The following CDYL variants were observed in gnomAD, a reference collection of about 807,000 sequenced individuals.
CDYL encodes the protein chromodomain Y-like protein.
In CDYL, 8 loss-of-function variants were observed where a neutral mutation model predicts 47.3. The ratio of observed to expected loss-of-function variants is 0.17; its 90% CI spans 0.10 to 0.31. The LOEUF (loss-of-function observed/expected upper bound fraction) is 0.31. CDYL is among the 10% of genes least tolerant of loss of function. CDYL has a pLI of 1.00. For missense variants in CDYL, 471 were observed against 701.4 expected (o/e 0.67, Z 3.71); for synonymous variants, 266 against 265.0 (o/e 1.00, Z -0.04).
chr6:4,858,511 A>G (rs1761076150), intron 1 of CDYL, among the ~76,000 whole-genome samples: 1 of 152,188 alleles, frequency 6.6e-6, no homozygotes, highest in South Asian at 2.1e-4. Context: ...CACGGAGCTT[A>G]AGGAACCTGC....
At chr6:4,879,955 G>A (rs888823396) in intron 1 of CDYL, among the ~76,000 whole-genome samples, 2 of 151,922 alleles carry the variant, frequency 1.3e-5, no homozygotes, top group East Asian at 1.9e-4. Context: ...CCTCTCGCAC[G>A]CCCCTACACA....
At chr6:4,740,066 T>C (rs1357090537) in intron 3 of CDYL, among the ~76,000 whole-genome samples, 2 of 152,176 alleles carry the variant, frequency 1.3e-5, no homozygotes, top group African/African-American at 4.8e-5. Flanking sequence ...TAAAAAAATT[T>C]TCCCAAAAAA....
At chr6:4,927,240 T>A (rs1420386088) in intron 2 of CDYL, among the ~76,000 whole-genome samples, 1 of 152,216 alleles carries the variant, frequency 6.6e-6, no homozygotes, top group Non-Finnish European at 1.5e-5. Flanking sequence ...GGGCAGGGGT[T>A]GATTGCCACA....
At chr6:4,788,883 T>C (rs1180540720) in intron 1 of CDYL, among the ~76,000 whole-genome samples, 7 of 152,032 alleles carry the variant, frequency 4.6e-5, no homozygotes, top group Non-Finnish European at 8.8e-5. Flanking sequence ...GGATGAAGGA[T>C]GTTGCTGCTT....
chr6:4,788,248 G>A (rs1758811426), intron 1 of CDYL, among the ~76,000 whole-genome samples: 2 of 151,882 alleles, frequency 1.3e-5, no homozygotes, highest in Non-Finnish European at 2.9e-5. Context: ...CCAGAACTTC[G>A]GGAGGCCAAG....
upstream of CDYL, among the ~76,000 whole-genome samples, chr6:4,772,197 G>A (rs992189000): frequency 2.0e-5 from 3 of 152,212 alleles, no homozygotes; most frequent in Non-Finnish European, 4.4e-5. Flanking sequence ...GAAATCAAAT[G>A]TTAAGAGGTC....
At chr6:4,828,995 G>T (rs1453475780) in intron 1 of CDYL, among the ~76,000 whole-genome samples, 1 of 152,010 alleles carries the variant, frequency 6.6e-6, no homozygotes, top group Non-Finnish European at 1.5e-5. Flanking sequence ...TTTATAAATT[G>T]TTCTGATTTC....
At chr6:4,938,207 A>G (rs993530725) in intron 4 of CDYL, among the ~76,000 whole-genome samples, 1 of 150,542 alleles carries the variant, frequency 6.6e-6, no homozygotes, top group Non-Finnish European at 1.5e-5. Flanking sequence ...CCACATGGAG[A>G]GTTTTGTTTT....
Position 4,776,715 on chromosome 6 carries a change from A to T in CDYL, c.-69A>T. The stretch of plus-strand genomic sequence containing the variant: ...GCCACGCAGGACCCAACTGAAACAA[A>T]GTGTCGGCCGCCCGGCGCCGGCGCC... On this transcript the variant is annotated 5_prime_UTR_variant, in exon 1 of 7. The change creates a new upstream start codon in the 5' untranslated region. Coordinates refer to ENST00000397588, the MANE Select transcript of CDYL (RefSeq NM_004824.4). 2 of 1,262,182 alleles carry T rather than the reference A, an allele frequency of 1.6e-6. No homozygotes were observed. Among genetic ancestry groups the T allele is most frequent in the Non-Finnish European group, 2.0e-6 (2 of 979,432 alleles). The allele number at this position is 1,262,182 out of a possible 1,614,324, so 78.2% of individuals were successfully genotyped here. A position where few individuals can be genotyped will look rare whatever the true frequency, so the allele number is the denominator to read the frequency against.
intron 1 of CDYL, among the ~76,000 whole-genome samples, chr6:4,786,694 G>C (rs1758765494): frequency 6.6e-6 from 1 of 152,150 alleles, no homozygotes; most frequent in Non-Finnish European, 1.5e-5. Context: ...GTTGCCTTGA[G>C]CTGGTTGTGG....
intron 3 of CDYL, among the ~76,000 whole-genome samples, chr6:4,742,561 G>A (rs924598726): frequency 8.2e-5 from 12 of 145,922 alleles, no homozygotes; most frequent in Non-Finnish European, 7.5e-5. Flanking sequence ...GTATTGGCCC[G>A]TAGCAATGAT....
At chr6:4,758,375 T>TATATATATATATATATATATATATATA (rs1758111843) in intron 3 of CDYL, among the ~76,000 whole-genome samples, 1 of 148,204 alleles carries the variant, frequency 6.7e-6, no homozygotes, top group African/African-American at 2.5e-5. Context: ...TATATATCTC[T>TATATATATATATATATATATATATATA]TTGTGGCCAG....
At chr6:4,919,306 TA>T (rs577492198) in intron 2 of CDYL, among the ~76,000 whole-genome samples, 258 of 142,922 alleles carry the variant, frequency 1.8e-3, no homozygotes, top group African/African-American at 4.2e-3. Flanking sequence ...TTCCAGGATA[TA>T]AAAAAAAAAA....
At chr6:4,880,122 A>C (rs943338563) in intron 1 of CDYL, among the ~76,000 whole-genome samples, 1 of 152,104 alleles carries the variant, frequency 6.6e-6, no homozygotes, top group Non-Finnish European at 1.5e-5. Flanking sequence ...ATGTATAACA[A>C]CATGGATCTA....
chr6:4,870,755 C>T (rs369432960), intron 1 of CDYL, among the ~76,000 whole-genome samples: 1 of 152,114 alleles, frequency 6.6e-6, no homozygotes, highest in Non-Finnish European at 1.5e-5. Flanking sequence ...TTCACTGATT[C>T]TTTCTTCTGC....
chr6:4,822,401 C>T (rs958814238), intron 1 of CDYL, among the ~76,000 whole-genome samples: 1 of 151,814 alleles, frequency 6.6e-6, no homozygotes, highest in Non-Finnish European at 1.5e-5. Flanking sequence ...ATTAACAAAG[C>T]TACAAATTTA....
intron 1 of CDYL, among the ~76,000 whole-genome samples, chr6:4,844,532 C>T (rs1360985079): frequency 6.6e-6 from 1 of 152,198 alleles, no homozygotes; most frequent in African/African-American, 2.4e-5. Flanking sequence ...CTCTGTCCGT[C>T]CGAGTGGGAG....
At chr6:4,922,250 C>T (rs1267508402) in intron 2 of CDYL, among the ~76,000 whole-genome samples, 4 of 152,082 alleles carry the variant, frequency 2.6e-5, no homozygotes, top group African/African-American at 9.7e-5. Context: ...CGACCCGTTG[C>T]CTCAGTATCT....
intron 3 of CDYL, among the ~76,000 whole-genome samples, chr6:4,753,698 T>C (rs549826432): frequency 8.6e-4 from 131 of 152,334 alleles, no homozygotes; most frequent in African/African-American, 3.1e-3. Context: ...AAGGATTTTA[T>C]GGAGAACCTG....
Sources: gnomAD v4.1 joint callset for allele counts (sites outside exome capture counted in the v4.1 genomes callset) on GRCh38, gnomAD v4.1.1 for gene constraint, MANE v1.5 for transcripts, NCBI Gene and HGNC (gene_info 2026-07-23, HGNC 2026-07-21) for gene names.